The following CRACR2A variants were observed in gnomAD, a reference collection of about 807,000 sequenced individuals.
CRACR2A encodes EF-hand calcium-binding domain-containing protein 4B.
Under a neutral mutation model 90.5 loss-of-function variants are expected in CRACR2A, and 79 were observed. The observed-to-expected ratio is 0.87, with a 90% CI of 0.73 to 1.05. CRACR2A has a LOEUF of 1.05. CRACR2A is among the 50% of genes least tolerant of loss of function. The probability of loss-of-function intolerance (pLI) is 0.00; values close to 1 mark genes in which losing one functional copy is unlikely to be tolerated. For missense variants in CRACR2A, 823 were observed against 897.2 expected, an observed-to-expected ratio of 0.92 and a Z score of 1.06; for synonymous variants, 338 against 356.7, an observed-to-expected ratio of 0.95 and a Z score of 0.59.
intron 12 of CRACR2A, among the ~76,000 whole-genome samples, chr12:3,642,249 C>A (rs1049846675): frequency 3.9e-5 from 6 of 152,184 alleles, no homozygotes; most frequent in Non-Finnish European, 8.8e-5. Context: ...CAGGGTCTTG[C>A]TCTGTCTTCC....
chr12:3,749,362 T>C (rs1275267219), intron 1 of CRACR2A, among the ~76,000 whole-genome samples: 3 of 152,244 alleles, frequency 2.0e-5, no homozygotes, highest in Admixed American at 6.5e-5. Context: ...GGCTTCTTCA[T>C]GTCCACCTGG....
chr12:3,681,515 C>A (rs1357718936), intron 4 of CRACR2A, among the ~76,000 whole-genome samples: 1 of 152,178 alleles, frequency 6.6e-6, no homozygotes, highest in African/African-American at 2.4e-5. Context: ...GGCTAACTTG[C>A]ATAGATGAAG....
At chr12:3,718,588 T>G (rs1018485497) in intron 2 of CRACR2A, among the ~76,000 whole-genome samples, 3 of 152,260 alleles carry the variant, frequency 2.0e-5, no homozygotes, top group Admixed American at 6.5e-5. Flanking sequence ...AAGAAAGGAA[T>G]GTAAAAGATC....
intron 2 of CRACR2A, among the ~76,000 whole-genome samples, chr12:3,722,922 A>G (rs1421705947): frequency 1.3e-5 from 2 of 152,206 alleles, no homozygotes; most frequent in Admixed American, 1.3e-4. Context: ...GGTACTCTTC[A>G]TCTATTTCCT....
chr12:3,750,350 A>T (rs1946686732), intron 1 of CRACR2A, among the ~76,000 whole-genome samples: 1 of 152,026 alleles, frequency 6.6e-6, no homozygotes, highest in Admixed American at 6.6e-5. Flanking sequence ...CATTTCTGCC[A>T]CTCACTAACA....
chr12:3,625,641 ACT>A (rs908360118), intron 17 of CRACR2A, among the ~76,000 whole-genome samples: 1 of 148,078 alleles, frequency 6.8e-6, no homozygotes, highest in African/African-American at 2.5e-5. Flanking sequence ...TCAAAGGGAA[ACT>A]CTTTTGTCTA....
intron 7 of CRACR2A, among the ~76,000 whole-genome samples, chr12:3,664,938 C>T (rs1237316343): frequency 2.6e-5 from 4 of 152,226 alleles, no homozygotes; most frequent in South Asian, 2.1e-4. Flanking sequence ...GCCCAGAAGG[C>T]GGAGGTTGCA....
chr12:3,666,663 C>T (rs751026428), intron 7 of CRACR2A, among the ~76,000 whole-genome samples: 2 of 152,334 alleles, frequency 1.3e-5, no homozygotes, highest in South Asian at 2.1e-4. Flanking sequence ...TACGCCGGAG[C>T]GAGGCATTAA....
At chr12:3,642,804 T>A (rs778550785) in intron 12 of CRACR2A, among the ~76,000 whole-genome samples, 11 of 152,148 alleles carry the variant, frequency 7.2e-5, no homozygotes, top group Non-Finnish European at 1.5e-4. Flanking sequence ...CTGACAGATG[T>A]CTTCCAGGAG....
intron 3 of CRACR2A, among the ~76,000 whole-genome samples, chr12:3,704,190 A>G (rs1365232845): frequency 6.6e-6 from 1 of 152,262 alleles, no homozygotes; most frequent in Non-Finnish European, 1.5e-5. Flanking sequence ...AAATGGATAG[A>G]CAAATTATGG....
chr12:3,694,751 C>T (rs549266549), intron 4 of CRACR2A, among the ~76,000 whole-genome samples: 47 of 152,350 alleles, frequency 3.1e-4, no homozygotes, highest in African/African-American at 7.7e-4. Context: ...TTAAATGACA[C>T]GCTCAGTTCC....
chr12:3,621,524 C>T (rs866859052), intron 17 of CRACR2A, among the ~76,000 whole-genome samples: 1 of 149,426 alleles, frequency 6.7e-6, no homozygotes, highest in Non-Finnish European at 1.5e-5. Context: ...TGGTGGTGGG[C>T]ACCTGTAGTC....
chr12:3,627,631 T>C lies in CRACR2A; in HGVS notation c.1811A>G (p.Gln604Arg), dbSNP rs760727400. The C allele has an allele frequency of 4.1e-5, 63 of 1,551,602 alleles. 1 individual carries two copies. The highest frequency in any genetic ancestry group is 5.0e-5 in the Non-Finnish European group (57 of 1,147,002). Reference sequence around the variant, plus strand: ...ACTTCGGGCAGCTCCTCACCTCTCCTGCCCAGCCGTGTCCCACAGCTGCAG... The same window carrying C: ...ACTTCGGGCAGCTCCTCACCTCTCCCGCCCAGCCGTGTCCCACAGCTGCAG... ...VALQLWDTAG[Q>R]ERYRCITQQF... The change falls in exon 16 of 20, where the codon CAG becomes CGG. Residue 604 changes from glutamine (Q) to arginine (R), a missense_variant. By Grantham distance (43) the Gln-to-Arg change is conservative. Transcript: ENST00000440314.
At chr12:3,639,600 C>G (rs1349663741) in intron 13 of CRACR2A, among the ~76,000 whole-genome samples, 1 of 152,062 alleles carries the variant, frequency 6.6e-6, no homozygotes, top group Non-Finnish European at 1.5e-5. Flanking sequence ...GAGAAATACA[C>G]TTTCTTTTGC....
chr12:3,633,689 G>A lies in CRACR2A; in HGVS notation c.1650C>T (p.Phe550=), dbSNP rs149047355. The change falls in exon 15 of 20, where the codon TTC becomes TTT. Residue 550 remains phenylalanine (F), a synonymous_variant. Transcript: ENST00000440314. This position sits in a 1 kb window ranked among gnomAD's most constrained non-coding sequence, Gnocchi z 4.5. ...TCTTCCCCACCGCGGAATTGCCCACGAACACAATCTTGAAGAGCCGGTCAG... is the reference window on the plus strand; with the variant it reads ...TCTTCCCCACCGCGGAATTGCCCACAAACACAATCTTGAAGAGCCGGTCAG... ...SAPDRLFKIV[F]VGNSAVGKTS... 9.1e-5 allele frequency: 141 copies of A among 1,551,702 alleles called. 3 individuals carry two copies. In the South Asian group the frequency reaches 1.2e-3, roughly 13 times the overall value.
At chr12:3,669,074 T>C (rs1000841695) in intron 7 of CRACR2A, among the ~76,000 whole-genome samples, 2 of 152,236 alleles carry the variant, frequency 1.3e-5, no homozygotes, top group Non-Finnish European at 2.9e-5. Context: ...GGCTGGCCTT[T>C]GATCTAGAAA....
At chr12:3,743,620 G>T (rs976488388) in intron 1 of CRACR2A, among the ~76,000 whole-genome samples, 3 of 152,212 alleles carry the variant, frequency 2.0e-5, no homozygotes, top group African/African-American at 7.2e-5. Flanking sequence ...ACCTGTCTGA[G>T]CCTCAGTTTC....
intron 4 of CRACR2A, among the ~76,000 whole-genome samples, chr12:3,683,451 CA>C (rs1287976053): frequency 6.6e-6 from 1 of 152,170 alleles, no homozygotes; most frequent in Admixed American, 6.5e-5. Flanking sequence ...AGGAGGAACT[CA>C]GCTTCCTATT....
At chr12:3,710,821 A>G (rs1945997963) in intron 3 of CRACR2A, among the ~76,000 whole-genome samples, 1 of 151,902 alleles carries the variant, frequency 6.6e-6, no homozygotes, top group African/African-American at 2.4e-5. Context: ...AAAGAAAGAA[A>G]GAAAGATGGG....
Sources: gnomAD v4.1 joint callset for allele counts (sites outside exome capture counted in the v4.1 genomes callset) on GRCh38, gnomAD v4.1.1 for gene constraint, Gnocchi (gnomAD v3.1) non-coding constraint, MANE v1.5 for transcripts, NCBI Gene and HGNC (gene_info 2026-07-23, HGNC 2026-07-21) for gene names.